The following KIF27 variants were observed in gnomAD, a reference collection of about 807,000 sequenced individuals.
KIF27 encodes kinesin family member 27.
KIF27 carries 84 observed loss-of-function variants against 141.8 expected under a neutral mutation model. The observed-to-expected ratio is 0.59, with a 90% CI of 0.50 to 0.71. The LOEUF is 0.71. Among genes scored for constraint, KIF27 ranks in the 30% least tolerant of loss-of-function variants. The pLI, the probability that KIF27 is intolerant of heterozygous loss-of-function variation, is 0.00. For missense variants in KIF27, 1,306 were observed against 1,628.4 expected (o/e 0.80, Z 3.41); for synonymous variants, 471 against 569.5 (o/e 0.83, Z 2.46).
intron 10 of KIF27, 95 bp downstream of exon 10, chr9:83,883,718 A>G (rs1951860201): frequency 3.8e-6 from 3 of 785,542 alleles, no homozygotes; most frequent in Non-Finnish European, 6.2e-6. Flanking sequence ...TCTTGCTGGT[A>G]TAAACTGAAT....
At chr9:83,852,437 A>G (rs1442208551) in intron 15 of KIF27, among the ~76,000 whole-genome samples, 1 of 149,868 alleles carries the variant, frequency 6.7e-6, no homozygotes, top group Non-Finnish European at 1.5e-5. Flanking sequence ...TGGGCGACAG[A>G]GCGAGACTCT....
chr9:83,880,250 G>A lies in KIF27; in HGVS notation c.2643+47C>T, dbSNP rs200587475. ...ACCATGGATTCGTTAGCTCTGAGCC[G>A]TTTAACATTTCATATTATACTTAGC... On this transcript the variant is annotated intron_variant, in intron 11 of 17. Coordinates refer to ENST00000297814, the MANE Select transcript of KIF27 (RefSeq NM_017576.4). 597 of 1,611,852 alleles carry A rather than the reference G, an allele frequency of 3.7e-4. 1 individual carries two copies. Among genetic ancestry groups the A allele is most frequent in the Non-Finnish European group, 2.4e-4 (287 of 1,178,620 alleles).
intron 2 of KIF27, among the ~76,000 whole-genome samples, chr9:83,910,083 A>ATACG (rs1401219561): frequency 2.0e-5 from 2 of 98,354 alleles, no homozygotes; most frequent in Admixed American, 9.1e-5. Flanking sequence ...ACATACATAC[A>ATACG]TACGTACGTA....
In KIF27 at chr9:83,908,629, C is replaced by A. The variant is rs1320142314; in HGVS notation, c.322G>T (p.Gly108Cys). The A allele has an allele frequency of 1.2e-5, 20 of 1,604,330 alleles. No individual in the cohort carries two copies. Among genetic ancestry groups the A allele is most frequent in the Non-Finnish European group, 1.6e-5 (19 of 1,175,180 alleles). Residue 108 changes from glycine (G) to cysteine (C), a missense_variant, in exon 3 of 18, where the codon GGT (glycine) becomes TGT (cysteine). By Grantham distance (159) the Gly-to-Cys change is radical (BLOSUM62 -3). Coordinates refer to ENST00000297814, the MANE Select transcript of KIF27 (RefSeq NM_017576.4). ...HIASVVEGQK[G>C]IIPRAIQEIF... ...TCTTGAATAGCTCGAGGAATGATAC[C>A]CTTTTGGCCCTCCACAACTGAAGCT...
intron 1 of KIF27, among the ~76,000 whole-genome samples, chr9:83,916,255 G>T (rs1363123013): frequency 6.6e-6 from 1 of 151,998 alleles, no homozygotes; most frequent in Non-Finnish European, 1.5e-5. Context: ...CTGGTCTCAA[G>T]CTCCGAACCT....
Position 83,867,757 on chromosome 9 carries a change from G to T in KIF27, c.2861C>A (p.Ala954Asp), listed in dbSNP as rs1243771524. Residue 954 changes from alanine (A) to aspartate (D), a missense_variant, in exon 13 of 18, where the codon GCC (alanine) becomes GAC (aspartate). Coordinates refer to ENST00000297814, the MANE Select transcript of KIF27 (RefSeq NM_017576.4). ...CAGAGCCTCCTTCTTAGAAACTATG[G>T]CCTCCCGTTTCTTTAAGTCTGCTTC... ...ELEADLKKRE[A>D]IVSKKEALLQ... The T allele has an allele frequency of 3.1e-6, 5 of 1,612,968 alleles. No individual in the cohort carries two copies. Among genetic ancestry groups the T allele is most frequent in the Non-Finnish European group, 4.2e-6 (5 of 1,179,528 alleles).
intron 1 of KIF27, among the ~76,000 whole-genome samples, chr9:83,920,624 C>T (rs1956159262): frequency 6.6e-6 from 1 of 152,050 alleles, no homozygotes; most frequent in Non-Finnish European, 1.5e-5. Context: ...AAATCGCATA[C>T]GGAGCTCAGA....
intron 16 of KIF27, chr9:83,847,587 T>G (rs1947455724): frequency 6.6e-6 from 1 of 152,372 alleles, no homozygotes; most frequent in Admixed American, 6.5e-5. Context: ...GAGTGTCGAC[T>G]GGATTGAAGG....
At chr9:83,846,419 G>A (rs572249388) in intron 16 of KIF27, among the ~76,000 whole-genome samples, 24 of 152,304 alleles carry the variant, frequency 1.6e-4, no homozygotes, top group South Asian at 4.1e-4. Flanking sequence ...AAGAAGTGTG[G>A]CAGTGGGCTC....
intron 3 of KIF27, 110 bp downstream of exon 3, chr9:83,908,342 C>G (rs1954781770): frequency 1.9e-6 from 1 of 515,302 alleles, no homozygotes; most frequent in Non-Finnish European, 3.4e-6. Flanking sequence ...ATTCATTTTG[C>G]TTCTGCATCT....
At position 83,842,343 on chromosome 9, in the gene KIF27, C is replaced by T; in HGVS notation, c.3615G>A (p.Gln1205=). ...TFKTYEDKIQ[Q]LEKDLYFYKK... ...TATAGAAATAAAGATCTTTTTCCAA[C>T]TGCTGGATTTTATCTTCATATGTTT... is the stretch of plus-strand genomic sequence containing the variant. The change falls in exon 17 of 18, where the codon CAG becomes CAA. Residue 1205 remains glutamine, a synonymous_variant. Transcript: ENST00000297814. The T allele has an allele frequency of 6.4e-7, 1 of 1,556,200 alleles. No homozygotes were observed. The highest frequency in any genetic ancestry group is 8.6e-7 in the Non-Finnish European group (1 of 1,158,672).
At chr9:83,892,308 G>A (rs1179421593) in intron 5 of KIF27, among the ~76,000 whole-genome samples, 13 of 152,004 alleles carry the variant, frequency 8.6e-5, no homozygotes, top group Admixed American at 7.9e-4. Context: ...TAAAAATCAC[G>A]TATTCAGATA....
intron 11 of KIF27, among the ~76,000 whole-genome samples, chr9:83,873,672 C>G (rs568023233): frequency 6.6e-5 from 10 of 152,228 alleles, no homozygotes; most frequent in Non-Finnish European, 1.2e-4. Flanking sequence ...CTGTGATAGC[C>G]CTAGACATTT....
At chr9:83,906,118 T>G (rs1243228241) in intron 3 of KIF27, among the ~76,000 whole-genome samples, 1 of 152,190 alleles carries the variant, frequency 6.6e-6, no homozygotes, top group African/African-American at 2.4e-5. Context: ...ATGAAAACAT[T>G]CAATAATTGT....
chr9:83,916,943 G>A (rs56055736), intron 1 of KIF27, among the ~76,000 whole-genome samples: 18,985 of 151,916 alleles, frequency 0.12, 1,275 homozygotes, highest in Non-Finnish European at 0.14. Context: ...GATTACAGGC[G>A]TGAGCCACCG....
intron 1 of KIF27, among the ~76,000 whole-genome samples, chr9:83,916,160 G>A (rs553537539): frequency 6.8e-4 from 104 of 152,054 alleles, no homozygotes; most frequent in Non-Finnish European, 3.2e-4. Flanking sequence ...GGCCTCTCGA[G>A]TAGCTGGGGT....
chr9:83,904,423 T>G (rs1369118029), intron 3 of KIF27, among the ~76,000 whole-genome samples: 1 of 152,066 alleles, frequency 6.6e-6, no homozygotes. Context: ...CAGGCTAGAG[T>G]GCAGTGTCAC....
At position 83,888,555 on chromosome 9, in the gene KIF27, C is replaced by G; in HGVS notation, c.2017G>C (p.Val673Leu). The part of the protein sequence containing the change: ...SRSWIQKPDS[V>L]CSLVELSDTQ... Reference sequence around the variant, plus strand: ...TCACTCAATTCAACAAGGGAACAAACAGAGTCTGGCTTCTGAATCCATGAA... The same window carrying G: ...TCACTCAATTCAACAAGGGAACAAAGAGAGTCTGGCTTCTGAATCCATGAA... Residue 673 changes from valine (V) to leucine (L), a missense_variant, in exon 8 of 18, where the codon GTT becomes CTT. Val to Leu is a conservative substitution (Grantham distance 32, BLOSUM62 1). This residue lies in a region of KIF27 where 596 missense variants were observed against 751.6 expected (regional missense o/e 0.79). Coordinates refer to ENST00000297814, the MANE Select transcript of KIF27 (RefSeq NM_017576.4). 6.3e-7 allele frequency: 1 copy of G among 1,598,802 alleles called. No homozygotes were observed. The highest frequency in any genetic ancestry group is 1.1e-5 in the South Asian group (1 of 89,176).
intron 14 of KIF27, among the ~76,000 whole-genome samples, chr9:83,854,815 T>C (rs1179854778): frequency 6.6e-6 from 1 of 152,220 alleles, no homozygotes; most frequent in African/African-American, 2.4e-5. Context: ...CCCATACCTA[T>C]TGTGGAGGCC....
Sources: gnomAD v4.1 joint callset for allele counts (sites outside exome capture counted in the v4.1 genomes callset) on GRCh38, gnomAD v4.1.1 for gene constraint, gnomAD v4.1.1 regional missense constraint, MANE v1.5 for transcripts, NCBI Gene and HGNC (gene_info 2026-07-23, HGNC 2026-07-21) for gene names.